PCDHA12: variants seen among roughly 807,000 people sequenced by gnomAD.
PCDHA12 encodes protocadherin alpha 12, also known as protocadherin alpha-12.
In PCDHA12, 44 loss-of-function variants were observed where a neutral mutation model predicts 60.0. The observed-to-expected ratio is 0.73, with a 90% CI of 0.58 to 0.94. The LOEUF is 0.94. Among genes scored for constraint, PCDHA12 ranks in the 40% least tolerant of loss-of-function variants. The probability of loss-of-function intolerance (pLI) is 0.00; values close to 1 mark genes in which losing one functional copy is unlikely to be tolerated. For synonymous variants in PCDHA12, 569 were observed against 553.0 expected (o/e 1.03, Z -0.40); for missense variants, 1,276 against 1,239.7 (o/e 1.03, Z -0.44).
At chr5:140,880,083 A>G (rs1453702460) in intron 1 of PCDHA12, among the ~76,000 whole-genome samples, 2 of 152,242 alleles carry the variant, frequency 1.3e-5, no homozygotes, top group African/African-American at 4.8e-5. Context: ...TCAACCTATT[A>G]TAGTAGGCTT....
chr5:140,958,385 A>C (rs2095421525), intron 1 of PCDHA12, among the ~76,000 whole-genome samples: 1 of 152,206 alleles, frequency 6.6e-6, no homozygotes, highest in African/African-American at 2.4e-5. Flanking sequence ...TTTTCTTAAC[A>C]GGTCATCAAA....
At chr5:140,888,189 T>C (rs1554183360) in intron 1 of PCDHA12, among the ~76,000 whole-genome samples, 2 of 152,344 alleles carry the variant, frequency 1.3e-5, no homozygotes. Flanking sequence ...TTGTGAATTT[T>C]ACATTGTCGG....
At chr5:140,984,751 T>A (rs2097118127) in intron 3 of PCDHA12, among the ~76,000 whole-genome samples, 1 of 152,158 alleles carries the variant, frequency 6.6e-6, no homozygotes. Context: ...CAGATTTGAG[T>A]TGAATTCTAA....
chr5:140,957,694 C>T (rs269548), intron 1 of PCDHA12, among the ~76,000 whole-genome samples: 31,397 of 151,782 alleles, frequency 0.21, 4,012 homozygotes, highest in African/African-American at 0.36. Flanking sequence ...AGACAATGAA[C>T]ATTATGTAGT....
In PCDHA12 at chr5:141,010,147, C is replaced by T. The variant is rs895381983; in HGVS notation, c.*210C>T. ...AAGTCTGGTGTTAACTCTTTCTCTC[C>T]ACTCTGGCTTGTTTTCAGAACCTAA... On this transcript the variant is annotated 3_prime_UTR_variant, in exon 4 of 4. Coordinates refer to ENST00000398631, the MANE Select transcript of PCDHA12 (RefSeq NM_018903.4). 3.2e-6 allele frequency: 5 copies of T among 1,583,190 alleles called. No homozygotes were observed. The highest frequency in any genetic ancestry group is 4.3e-6 in the Non-Finnish European group (5 of 1,163,606).
intron 2 of PCDHA12, among the ~76,000 whole-genome samples, chr5:140,981,687 A>ATCATTCAT (rs200213847): frequency 0.01 from 1,586 of 152,088 alleles, 32 homozygotes; most frequent in African/African-American, 0.036. Flanking sequence ...CCTCCCTTCC[A>ATCATTCAT]TCATTCATTC....
At chr5:140,925,923 C>CT (rs111894943) in intron 1 of PCDHA12, among the ~76,000 whole-genome samples, 7,061 of 152,174 alleles carry the variant, frequency 0.046, 290 homozygotes, top group African/African-American at 0.11. Context: ...GCAAAGCACT[C>CT]CCAAGTAGAG....
chr5:140,949,074 C>T (rs2094343019), intron 1 of PCDHA12, among the ~76,000 whole-genome samples: 1 of 151,780 alleles, frequency 6.6e-6, no homozygotes, highest in African/African-American at 2.4e-5. Flanking sequence ...AACTCTTTCA[C>T]CCATTTATTA....
chr5:140,966,928 C>T (rs782034487), intron 1 of PCDHA12: 1 of 1,603,332 alleles, frequency 6.2e-7, no homozygotes, highest in South Asian at 1.1e-5. Context: ...AGCAGGCACC[C>T]GGCGCGCTCG....
chr5:140,883,457 C>A lies in PCDHA12; in HGVS notation c.2367+5618C>A, dbSNP rs142331981. 13 of 1,614,078 alleles carry A rather than the reference C, an allele frequency of 8.1e-6. No individual in the cohort carries two copies. Among genetic ancestry groups the A allele is most frequent in the Non-Finnish European group, 1.1e-5 (13 of 1,180,050 alleles). On this transcript the variant is annotated intron_variant, in intron 1 of 3. Transcript: ENST00000398631. ...CTTGACGCCGCATGTCCCCTTCAAG[C>A]TGGTGTCCACCTACAAGAACTACTA...
At chr5:140,991,411 C>G (rs905076175) in intron 3 of PCDHA12, among the ~76,000 whole-genome samples, 8 of 152,156 alleles carry the variant, frequency 5.3e-5, no homozygotes, top group Admixed American at 5.2e-4. Flanking sequence ...TCCCATTATG[C>G]TATAACAAAT....
At position 140,894,520 on chromosome 5, in the gene PCDHA12, C is replaced by T. The variant is rs377646516; in HGVS notation, c.2367+16681C>T. On this transcript the variant is annotated intron_variant, in intron 1 of 3. Coordinates refer to ENST00000398631, the MANE Select transcript of PCDHA12 (RefSeq NM_018903.4). ...AGGCATTATCCATAGTGTTTATATG[C>T]TGTTATGTGCCTTCTGGTTTAGTGT... is the stretch of plus-strand genomic sequence containing the variant. Among the ~76,000 whole-genome samples, 12 of 151,842 alleles carry T rather than the reference C, an allele frequency of 7.9e-5. No homozygotes were observed. In the East Asian group the frequency reaches 1.9e-3, roughly 24 times the overall value.
chr5:140,968,506 G>T (rs781902536), intron 1 of PCDHA12: 2 of 1,614,176 alleles, frequency 1.2e-6, no homozygotes, highest in South Asian at 2.2e-5. Context: ...CTCACATTCT[G>T]TACCCTACCT....
At chr5:140,991,563 C>T (rs577838155) in intron 3 of PCDHA12, among the ~76,000 whole-genome samples, 4 of 152,288 alleles carry the variant, frequency 2.6e-5, no homozygotes, top group South Asian at 4.1e-4. Context: ...CCTTTAGTTT[C>T]CAATAACAGG....
intron 1 of PCDHA12, chr5:140,884,619 A>G (rs782146160): frequency 3.1e-6 from 5 of 1,614,074 alleles, no homozygotes; most frequent in Non-Finnish European, 4.2e-6. Context: ...GGTTCTGCAG[A>G]GGGAACAGGC....
At chr5:140,968,810 G>C in intron 1 of PCDHA12, 1 of 1,614,186 alleles carries the variant, frequency 6.2e-7, no homozygotes, top group Non-Finnish European at 8.5e-7. Flanking sequence ...AGCTGTGGTG[G>C]ATAGGGTTTC....
At chr5:140,927,130 C>T (rs1554204065) in intron 1 of PCDHA12, 6 of 1,614,032 alleles carry the variant, frequency 3.7e-6, no homozygotes, top group African/African-American at 1.3e-5. Flanking sequence ...GGTCAGAGAG[C>T]CGGCGGACCG....
intron 3 of PCDHA12, among the ~76,000 whole-genome samples, chr5:141,004,743 T>G (rs1554259718): frequency 6.6e-6 from 1 of 152,182 alleles, no homozygotes; most frequent in Admixed American, 6.5e-5. Flanking sequence ...CTCTTTTGTC[T>G]CAGTCTCTTA....
At chr5:140,942,545 G>C (rs981508818) in intron 1 of PCDHA12, among the ~76,000 whole-genome samples, 4 of 151,970 alleles carry the variant, frequency 2.6e-5, no homozygotes, top group African/African-American at 9.7e-5. Context: ...ATGGTGGGGG[G>C]TAGGGGGTTG....
Sources: allele counts gnomAD v4.1 joint callset (sites outside exome capture counted in the v4.1 genomes callset), GRCh38; gene constraint gnomAD v4.1.1; transcripts MANE v1.5; gene names NCBI Gene and HGNC (gene_info 2026-07-23, HGNC 2026-07-21).